Variants in PTPRD observed in about 807,000 individuals in gnomAD.
PTPRD encodes receptor-type tyrosine-protein phosphatase delta.
PTPRD carries 34 observed loss-of-function variants against 214.5 expected under a neutral mutation model. The observed-to-expected ratio is 0.16, with a 90% CI of 0.12 to 0.21. The LOEUF (loss-of-function observed/expected upper bound fraction) is 0.21, where lower values mean the gene tolerates loss of function less well. Ranked by LOEUF, PTPRD falls within the 10% of genes least tolerant of loss-of-function variation. The probability of loss-of-function intolerance (pLI) is 1.00; values close to 1 mark genes in which losing one functional copy is unlikely to be tolerated. For synonymous variants in PTPRD, 1,128 were observed against 845.7 expected (o/e 1.33, Z -5.79); for missense variants, 2,545 against 2,398.7 (o/e 1.06, Z -1.27).
chr9:9,535,777 A>G (rs1317810386), intron 8 of PTPRD, among the ~76,000 whole-genome samples: 1 of 152,124 alleles, frequency 6.6e-6, no homozygotes, highest in African/African-American at 2.4e-5. Flanking sequence ...TATGTCATTA[A>G]GAACAGAAAG....
At chr9:9,592,787 G>A (rs896054010) in intron 7 of PTPRD, among the ~76,000 whole-genome samples, 7 of 152,030 alleles carry the variant, frequency 4.6e-5, no homozygotes, top group African/African-American at 1.2e-4. Context: ...GCTCACACCT[G>A]TAATCCCAGC....
intron 8 of PTPRD, among the ~76,000 whole-genome samples, chr9:9,500,049 C>T (rs1266246307): frequency 1.3e-5 from 2 of 152,100 alleles, no homozygotes; most frequent in Non-Finnish European, 2.9e-5. Flanking sequence ...GAGTAATTTG[C>T]AGAAGTATTC....
intron 36 of PTPRD, among the ~76,000 whole-genome samples, chr9:8,393,560 G>C (rs1007135979): frequency 1.1e-4 from 16 of 152,060 alleles, no homozygotes; most frequent in Non-Finnish European, 2.4e-4. Flanking sequence ...AACTCTCTTG[G>C]AGTCAGTTGG....
chr9:9,702,042 C>T (rs868091295), intron 7 of PTPRD, among the ~76,000 whole-genome samples: 5 of 152,024 alleles, frequency 3.3e-5, no homozygotes, highest in Admixed American at 6.6e-5. Context: ...ATTGCTTGAA[C>T]ATGGGAGGCA....
In PTPRD at chr9:8,341,167, G is replaced by A. The variant is rs776797524; in HGVS notation, c.5049C>T (p.Ser1683=). ...NRLVNIMPYE[S]TRVCLQPIRG... ...GGATAGGCTGCAGGCATACCCTTGTGGATTCATATGGCATAATATTAACAA... is the reference window on the plus strand; with the variant it reads ...GGATAGGCTGCAGGCATACCCTTGTAGATTCATATGGCATAATATTAACAA... Residue 1683 remains serine, a synonymous_variant, in exon 41 of 46, where the codon TCC becomes TCT. Transcript: ENST00000381196. 10 of 1,612,878 alleles carry A rather than the reference G, an allele frequency of 6.2e-6. No homozygotes were observed. In the Admixed American group the frequency reaches 1.7e-4, roughly 27 times the overall value.
At chr9:8,936,427 CAAA>C (rs1181403459) in intron 11 of PTPRD, among the ~76,000 whole-genome samples, 109 of 31,644 alleles carry the variant, frequency 3.4e-3, no homozygotes, top group Middle Eastern at 0.045. Flanking sequence ...ACCCTGCCTC[CAAA>C]AAAAAAAAAA....
At chr9:8,721,541 A>G (rs1416471921) in intron 12 of PTPRD, among the ~76,000 whole-genome samples, 1 of 152,150 alleles carries the variant, frequency 6.6e-6, no homozygotes, top group African/African-American at 2.4e-5. Flanking sequence ...TTTTATTGAT[A>G]AAAATAAAAT....
chr9:10,171,471 T>G (rs2099205387), intron 3 of PTPRD, among the ~76,000 whole-genome samples: 1 of 152,178 alleles, frequency 6.6e-6, no homozygotes, highest in South Asian at 2.1e-4. Context: ...CACGTAGAAC[T>G]GTGGCTTAAA....
At chr9:10,584,397 A>T (rs2073198253) in intron 2 of PTPRD, among the ~76,000 whole-genome samples, 1 of 152,178 alleles carries the variant, frequency 6.6e-6, no homozygotes, top group African/African-American at 2.4e-5. Flanking sequence ...TGTGGTTTCA[A>T]TACAAAAAAG....
chr9:9,368,801 G>A (rs1466190268), intron 9 of PTPRD, among the ~76,000 whole-genome samples: 12 of 151,778 alleles, frequency 7.9e-5, no homozygotes, highest in African/African-American at 2.9e-4. Context: ...GAGTACATGT[G>A]CACAACGTGC....
intron 11 of PTPRD, among the ~76,000 whole-genome samples, chr9:8,771,723 A>G (rs2095227181): frequency 6.6e-6 from 1 of 152,218 alleles, no homozygotes; most frequent in Admixed American, 6.5e-5. Flanking sequence ...ACTGTTTTCA[A>G]ATTGCATGCA....
intron 7 of PTPRD, among the ~76,000 whole-genome samples, chr9:9,576,179 A>C (rs1488062440): frequency 6.6e-6 from 1 of 152,192 alleles, no homozygotes; most frequent in East Asian, 1.9e-4. Flanking sequence ...TTTCTACCAT[A>C]ATTGAAGAAA....
chr9:9,551,335 G>C (rs778208017), intron 8 of PTPRD, among the ~76,000 whole-genome samples: 1 of 151,850 alleles, frequency 6.6e-6, no homozygotes, highest in South Asian at 2.1e-4. Context: ...TAAATTAAGG[G>C]TCTCTAATTA....
chr9:10,108,870 G>GTT (rs373928700), intron 3 of PTPRD, among the ~76,000 whole-genome samples: 5,396 of 146,270 alleles, frequency 0.037, 172 homozygotes, highest in Admixed American at 0.093. Flanking sequence ...CGTAAAGAGG[G>GTT]TTTTTTTTTT....
intron 9 of PTPRD, among the ~76,000 whole-genome samples, chr9:9,370,167 T>C (rs888940234): frequency 4.6e-5 from 7 of 152,130 alleles, no homozygotes; most frequent in Non-Finnish European, 8.8e-5. Flanking sequence ...GGTAGCTTGA[T>C]GGGGATGGCA....
chr9:9,716,180 A>C (rs1427569430), intron 7 of PTPRD, among the ~76,000 whole-genome samples: 1 of 152,202 alleles, frequency 6.6e-6, no homozygotes, highest in Admixed American at 6.5e-5. Flanking sequence ...AAAGGACATG[A>C]ACTCATCATT....
chr9:9,870,674 G>A lies in PTPRD; in HGVS notation c.-368+67833C>T, dbSNP rs114553355. 6.9e-3 allele frequency among the ~76,000 whole-genome samples: 1,055 copies of A among 152,116 alleles called. 12 individuals are homozygous for A. Among genetic ancestry groups the A allele is most frequent in the African/African-American group, 0.023 (967 of 41,534 alleles). On this transcript the variant is annotated intron_variant, in intron 5 of 45. Coordinates refer to ENST00000381196, the MANE Select transcript of PTPRD (RefSeq NM_002839.4). ...TGCTATTTTGGTCATGTATGAGAAT[G>A]ACTTTGTTCTTAAGACATGTCTTCT...
intron 5 of PTPRD, among the ~76,000 whole-genome samples, chr9:9,913,531 G>T (rs2079820154): frequency 6.6e-6 from 1 of 152,092 alleles, no homozygotes; most frequent in East Asian, 1.9e-4. Flanking sequence ...GAAGGGAAAG[G>T]GGAGTGGAGA....
chr9:9,712,847 T>C (rs561979479), intron 7 of PTPRD, among the ~76,000 whole-genome samples: 2 of 152,338 alleles, frequency 1.3e-5, no homozygotes, highest in South Asian at 4.1e-4. Context: ...AAAACTATTT[T>C]ATGGTATTTG....
Sources: allele counts gnomAD v4.1 joint callset (sites outside exome capture counted in the v4.1 genomes callset), GRCh38; gene constraint gnomAD v4.1.1; transcripts MANE v1.5; gene names NCBI Gene and HGNC (gene_info 2026-07-23, HGNC 2026-07-21).